Variants in GMDS observed in about 807,000 individuals in gnomAD.
GMDS encodes GDP-mannose 4,6 dehydratase.
GMDS carries 20 observed loss-of-function variants against 49.9 expected under a neutral mutation model. That is an observed-to-expected ratio of 0.40 (90% CI 0.28 to 0.58). The LOEUF (loss-of-function observed/expected upper bound fraction) is 0.58. Ranked by LOEUF, GMDS falls within the 20% of genes least tolerant of loss-of-function variation. The pLI, the probability that GMDS is intolerant of heterozygous loss-of-function variation, is 0.42. For missense variants in GMDS, 362 were observed against 481.4 expected, an observed-to-expected ratio of 0.75 and a Z score of 2.32; for synonymous variants, 177 against 178.6, an observed-to-expected ratio of 0.99 and a Z score of 0.07.
intron 4 of GMDS, among the ~76,000 whole-genome samples, chr6:2,026,815 G>A (rs955558894): frequency 2.0e-5 from 3 of 152,142 alleles, no homozygotes; most frequent in Non-Finnish European, 2.9e-5. Context: ...TAATCAAGCC[G>A]AAATTATATA....
intron 7 of GMDS, among the ~76,000 whole-genome samples, chr6:1,759,429 C>T (rs544976703): frequency 3.9e-5 from 6 of 152,182 alleles, no homozygotes; most frequent in African/African-American, 9.7e-5. Context: ...TGTATTCTTG[C>T]GACTGCATGA....
Position 2,163,807 on chromosome 6 carries a change from C to T in GMDS, c.103-39076G>A, listed in dbSNP as rs570942057. Among the ~76,000 whole-genome samples, 7 of 152,292 alleles carry T rather than the reference C, an allele frequency of 4.6e-5. No individual in the cohort carries two copies. In the East Asian group the frequency reaches 1.4e-3, roughly 29 times the overall value. On this transcript the variant is annotated intron_variant, in intron 1 of 10. Transcript: ENST00000380815. Reference sequence around the variant, plus strand: ...GGCCCCTGGGATCCAATTGCTCCTGCTGCATTAGGTTTCCCAATTCAGTGA... The same window carrying T: ...GGCCCCTGGGATCCAATTGCTCCTGTTGCATTAGGTTTCCCAATTCAGTGA...
At chr6:2,017,742 G>A (rs989413487) in intron 4 of GMDS, among the ~76,000 whole-genome samples, 1 of 152,020 alleles carries the variant, frequency 6.6e-6, no homozygotes, top group Non-Finnish European at 1.5e-5. Context: ...CTTAATCATG[G>A]ATTAATATAT....
intron 9 of GMDS, among the ~76,000 whole-genome samples, chr6:1,674,423 T>A (rs1234156919): frequency 1.3e-5 from 2 of 152,186 alleles, no homozygotes; most frequent in African/African-American, 4.8e-5. Context: ...AGTCCTTTAC[T>A]GACTATGTGT....
chr6:1,722,858 A>C (rs902340111), intron 9 of GMDS, among the ~76,000 whole-genome samples: 1 of 152,264 alleles, frequency 6.6e-6, no homozygotes, highest in Non-Finnish European at 1.5e-5. Context: ...TAAGTGGCAC[A>C]GAACTCAAGT....
chr6:2,094,215 TAGAA>T (rs1239274496), intron 4 of GMDS, among the ~76,000 whole-genome samples: 1 of 152,214 alleles, frequency 6.6e-6, no homozygotes, highest in Non-Finnish European at 1.5e-5. Flanking sequence ...TTGCACACGT[TAGAA>T]AGTACTAGAA....
chr6:1,649,335 C>G (rs957809838), intron 9 of GMDS, among the ~76,000 whole-genome samples: 1 of 152,212 alleles, frequency 6.6e-6, no homozygotes, highest in Admixed American at 6.5e-5. Flanking sequence ...GACAGGAAAA[C>G]TCAGTCTCAG....
At chr6:2,200,426 G>C (rs531975301) in intron 1 of GMDS, among the ~76,000 whole-genome samples, 2 of 150,934 alleles carry the variant, frequency 1.3e-5, no homozygotes, top group Admixed American at 1.3e-4. Flanking sequence ...CATCCGAGAT[G>C]TAACCATCCA....
intron 4 of GMDS, among the ~76,000 whole-genome samples, chr6:1,983,339 G>T (rs575231063): frequency 6.6e-6 from 1 of 152,062 alleles, no homozygotes; most frequent in East Asian, 1.9e-4. Flanking sequence ...CATGACCAAG[G>T]CACCAAAAGC....
chr6:2,009,294 A>G (rs530530904), intron 4 of GMDS, among the ~76,000 whole-genome samples: 1 of 152,332 alleles, frequency 6.6e-6, no homozygotes, highest in African/African-American at 2.4e-5. Flanking sequence ...AACAGGCTCC[A>G]TTTAGGTGAC....
At chr6:1,851,552 C>T (rs2113766388) in intron 7 of GMDS, among the ~76,000 whole-genome samples, 1 of 152,164 alleles carries the variant, frequency 6.6e-6, no homozygotes, top group Middle Eastern at 3.4e-3. Flanking sequence ...GTATAGCAGA[C>T]CCCATACTGG....
chr6:1,705,459 C>A (rs1765698178), intron 9 of GMDS, among the ~76,000 whole-genome samples: 1 of 152,204 alleles, frequency 6.6e-6, no homozygotes. Flanking sequence ...TTCTGAGCAG[C>A]CCCAGCACCA....
At chr6:1,960,645 C>T (rs1002072692) in intron 5 of GMDS, 129 bp downstream of exon 5, 1 of 592,302 alleles carries the variant, frequency 1.7e-6, no homozygotes, top group Non-Finnish European at 3.0e-6. Flanking sequence ...CTTTAGTCTA[C>T]CTTAATGTTA....
At chr6:2,207,869 A>G (rs1779874994) in intron 1 of GMDS, among the ~76,000 whole-genome samples, 1 of 151,902 alleles carries the variant, frequency 6.6e-6, no homozygotes, top group Non-Finnish European at 1.5e-5. Flanking sequence ...ATTCCTCTCA[A>G]CAGGAAAATA....
intron 7 of GMDS, among the ~76,000 whole-genome samples, chr6:1,883,683 G>T (rs1759471064): frequency 6.6e-6 from 1 of 152,088 alleles, no homozygotes; most frequent in South Asian, 2.1e-4. Context: ...CTACAAGTCA[G>T]CTCCCCTCGT....
In GMDS at chr6:1,937,137, C is replaced by T. The variant is rs1015400043; in HGVS notation, c.644-6907G>A. On this transcript the variant is annotated intron_variant, in intron 6 of 10. Transcript: ENST00000380815. The stretch of plus-strand genomic sequence containing the variant: ...GCTGTCCCAGTTTGTAGCCTAGCAG[C>T]GATAGGTGTGCAGGAAGATATACCA... 5.3e-5 allele frequency among the ~76,000 whole-genome samples: 8 copies of T among 152,216 alleles called. No individual in the cohort carries two copies. In the South Asian group the frequency reaches 8.3e-4, roughly 16 times the overall value.
intron 4 of GMDS, among the ~76,000 whole-genome samples, chr6:2,014,272 C>T (rs1206429926): frequency 2.0e-5 from 3 of 150,878 alleles, no homozygotes; most frequent in Non-Finnish European, 4.4e-5. Context: ...AAAACAACAA[C>T]CATAAAAAAA....
At chr6:2,236,581 T>C (rs958254397) in intron 1 of GMDS, among the ~76,000 whole-genome samples, 1 of 152,218 alleles carries the variant, frequency 6.6e-6, no homozygotes, top group South Asian at 2.1e-4. Flanking sequence ...CAAAAAATAC[T>C]ACTAGTGTCT....
Position 1,623,856 on chromosome 6 carries a change from G to C in GMDS, c.*313C>G, listed in dbSNP as rs1159473944. ...TAATATGAAAAGAGAAAAACAATTT[G>C]AAGGCCCCACAATTTGTTGTGTAAC... On this transcript the variant is annotated 3_prime_UTR_variant, in exon 11 of 11. Coordinates refer to ENST00000380815, the MANE Select transcript of GMDS (RefSeq NM_001500.4). The C allele has an allele frequency of 2.1e-5, 8 of 382,228 alleles. No homozygotes were observed. Among genetic ancestry groups the C allele is most frequent in the Non-Finnish European group, 2.3e-5 (5 of 214,044 alleles). 23.7% of individuals were successfully genotyped at this position (382,228 alleles called of 1,614,324 possible).
Sources: gnomAD v4.1 joint callset for allele counts (sites outside exome capture counted in the v4.1 genomes callset) on GRCh38, gnomAD v4.1.1 for gene constraint, MANE v1.5 for transcripts, NCBI Gene and HGNC (gene_info 2026-07-23, HGNC 2026-07-21) for gene names.